The following ZNF892 variants were observed in gnomAD, a reference collection of about 807,000 sequenced individuals.
ZNF892 encodes the protein zinc finger protein 892.
chr2:95,207,479 G>T, the ZNF892 span: 1 of 233,994 alleles, frequency 4.3e-6, no homozygotes, highest in Non-Finnish European at 8.2e-6. Context: ...TGTTGGGAGT[G>T]AGGGCCGTCA....
chr2:95,255,688 C>A, the ZNF892 span, among the ~76,000 whole-genome samples: 1 of 152,162 alleles, frequency 6.6e-6, no homozygotes, highest in Non-Finnish European at 1.5e-5. Flanking sequence ...GTGTTAAAGT[C>A]TCCCATTATT....
the ZNF892 span, among the ~76,000 whole-genome samples, chr2:95,258,901 A>G: frequency 2.0e-5 from 3 of 152,218 alleles, no homozygotes; most frequent in African/African-American, 7.2e-5. Context: ...AAACAAACAC[A>G]TTTATGTAAG....
chr2:95,248,162 A>G, the ZNF892 span, among the ~76,000 whole-genome samples: 1 of 152,266 alleles, frequency 6.6e-6, no homozygotes, highest in African/African-American at 2.4e-5. Flanking sequence ...GCTGTAAAAA[A>G]GAATAAAATT....
At chr2:95,241,398 A>G in the ZNF892 span, among the ~76,000 whole-genome samples, 1 of 152,238 alleles carries the variant, frequency 6.6e-6, no homozygotes, top group African/African-American at 2.4e-5. Flanking sequence ...CAGCAGCCCT[A>G]AAGAATACTG....
chr2:95,209,300 C>G, the ZNF892 span, among the ~76,000 whole-genome samples: 1 of 152,080 alleles, frequency 6.6e-6, no homozygotes, highest in South Asian at 2.1e-4. Context: ...TGGAGGTCTT[C>G]CGAGGATGTG....
At chr2:95,243,619 G>A in the ZNF892 span, among the ~76,000 whole-genome samples, 8 of 150,154 alleles carry the variant, frequency 5.3e-5, 1 homozygote, top group Admixed American at 2.6e-4. Context: ...CCCAGCAGCC[G>A]CCCCGTCTGA....
chr2:95,254,521 G>A, the ZNF892 span, among the ~76,000 whole-genome samples: 4 of 152,168 alleles, frequency 2.6e-5, no homozygotes, highest in Non-Finnish European at 5.9e-5. Context: ...ATGTTCATCA[G>A]GGATATTGGT....
the ZNF892 span, among the ~76,000 whole-genome samples, chr2:95,213,383 G>T: frequency 4.6e-5 from 7 of 152,160 alleles, no homozygotes; most frequent in African/African-American, 1.7e-4. Flanking sequence ...TTTATTTCAT[G>T]TAGAGACATG....
At chr2:95,241,225 C>T in the ZNF892 span, among the ~76,000 whole-genome samples, 1 of 152,210 alleles carries the variant, frequency 6.6e-6, no homozygotes, top group South Asian at 2.1e-4. Flanking sequence ...ACCCCCCCAA[C>T]AAGCATGTTT....
the ZNF892 span, among the ~76,000 whole-genome samples, chr2:95,235,914 G>A: frequency 5.3e-5 from 8 of 152,134 alleles, no homozygotes; most frequent in Admixed American, 2.6e-4. Context: ...ACTGTTCAAC[G>A]CCTCCCCAGA....
At chr2:95,238,375 C>A in the ZNF892 span, among the ~76,000 whole-genome samples, 1 of 152,222 alleles carries the variant, frequency 6.6e-6, no homozygotes, top group African/African-American at 2.4e-5. Context: ...CTGTTTATAG[C>A]ATGGTTTACT....
chr2:95,262,352 T>C, the ZNF892 span, among the ~76,000 whole-genome samples: 1 of 152,244 alleles, frequency 6.6e-6, no homozygotes, highest in South Asian at 2.1e-4. Flanking sequence ...TACACTCCCT[T>C]CTCCCTGAGC....
At chr2:95,253,225 A>C in the ZNF892 span, among the ~76,000 whole-genome samples, 1 of 152,168 alleles carries the variant, frequency 6.6e-6, no homozygotes, top group African/African-American at 2.4e-5. Flanking sequence ...TAGGTCTAAC[A>C]TTTAGTCTTT....
chr2:95,260,743 C>T, the ZNF892 span, among the ~76,000 whole-genome samples: 7 of 152,336 alleles, frequency 4.6e-5, no homozygotes, highest in East Asian at 1.9e-4. Flanking sequence ...TCTGCCTCTG[C>T]TGTCTTGGGC....
At chr2:95,209,008 C>T in the ZNF892 span, among the ~76,000 whole-genome samples, 3 of 152,144 alleles carry the variant, frequency 2.0e-5, no homozygotes, top group Non-Finnish European at 4.4e-5. Context: ...GCCACTTGCT[C>T]CTGCATCGTG....
chr2:95,229,756 T>C, the ZNF892 span, among the ~76,000 whole-genome samples: 1 of 152,174 alleles, frequency 6.6e-6, no homozygotes, highest in Non-Finnish European at 1.5e-5. Context: ...ATAAGTGCTA[T>C]GAACATTCCT....
chr2:95,243,757 G>A, the ZNF892 span, among the ~76,000 whole-genome samples: 6 of 151,428 alleles, frequency 4.0e-5, no homozygotes, highest in South Asian at 2.1e-4. Flanking sequence ...CGCCCCGTCC[G>A]GGAGGTGAGG....
the ZNF892 span, among the ~76,000 whole-genome samples, chr2:95,221,801 T>G: frequency 6.6e-6 from 1 of 152,198 alleles, no homozygotes. Context: ...AAATCAACTT[T>G]TATCAAAGTG....
the ZNF892 span, among the ~76,000 whole-genome samples, chr2:95,233,672 C>CAA: frequency 0.76 from 26,863 of 35,124 alleles, 11,308 homozygotes; most frequent in Admixed American, 0.79. Flanking sequence ...GACTCCATCT[C>CAA]AAAAAAAAAA....
Sources: gnomAD v4.1 joint callset for allele counts (sites outside exome capture counted in the v4.1 genomes callset) on GRCh38, gnomAD v4.1.1 for gene constraint, MANE v1.5 for transcripts, NCBI Gene and HGNC (gene_info 2026-07-23, HGNC 2026-07-21) for gene names.